Variants in CPQ observed in about 807,000 individuals in gnomAD.
CPQ encodes Ser-Met dipeptidase.
Under a neutral mutation model 45.7 loss-of-function variants are expected in CPQ, and 37 were observed. The ratio of observed to expected loss-of-function variants is 0.81; its 90% CI spans 0.62 to 1.07. The LOEUF (loss-of-function observed/expected upper bound fraction) is 1.07. Ranked by LOEUF, CPQ falls within the 50% of genes least tolerant of loss-of-function variation. The pLI is 0.00. For missense variants in CPQ, 537 were observed against 572.9 expected (o/e 0.94, Z 0.64); for synonymous variants, 186 against 205.8 (o/e 0.90, Z 0.82).
intron 7 of CPQ, among the ~76,000 whole-genome samples, chr8:97,096,224 T>C (rs2130572650): frequency 6.6e-6 from 1 of 152,260 alleles, no homozygotes; most frequent in African/African-American, 2.4e-5. Flanking sequence ...TTCATATAAG[T>C]TATGAGTGGT....
intron 2 of CPQ, among the ~76,000 whole-genome samples, chr8:96,821,710 A>C (rs1811310322): frequency 6.6e-6 from 1 of 151,900 alleles, no homozygotes; most frequent in South Asian, 2.1e-4. Context: ...CTGTTCTTTC[A>C]TTGACTAATA....
chr8:96,693,816 A>G (rs1185232540), intron 1 of CPQ, among the ~76,000 whole-genome samples: 1 of 152,198 alleles, frequency 6.6e-6, no homozygotes, highest in East Asian at 1.9e-4. Flanking sequence ...AAAAAAATGG[A>G]ATATTATAAC....
At chr8:96,910,160 C>T (rs1386716490) in intron 4 of CPQ, among the ~76,000 whole-genome samples, 2 of 152,138 alleles carry the variant, frequency 1.3e-5, no homozygotes, top group Non-Finnish European at 2.9e-5. Context: ...TGTGGCCGGT[C>T]TGTGGGGTTT....
In CPQ at chr8:96,771,081, T is replaced by TATATATATATTATATATATATAA. The variant is rs955685816; in HGVS notation, c.-34-13771_-34-13749dup. ...ATTGTGGTAGTTCAGGTTGAAGCAA[T>TATATATATATTATATATATATAA]ATATATATATTATATATATATAAAT... is the stretch of plus-strand genomic sequence containing the variant. On this transcript the variant is annotated intron_variant, in intron 1 of 7. Transcript: ENST00000220763. Among the ~76,000 whole-genome samples the TATATATATATTATATATATATAA allele has an allele frequency of 2.7e-3, 395 of 146,792 alleles. 2 individuals carry two copies. Among genetic ancestry groups the TATATATATATTATATATATATAA allele is most frequent in the South Asian group, 0.013 (59 of 4,712 alleles).
intron 1 of CPQ, among the ~76,000 whole-genome samples, chr8:96,677,774 T>C (rs960676082): frequency 3.9e-5 from 6 of 152,056 alleles, no homozygotes; most frequent in South Asian, 2.1e-4. Context: ...AGTTTTCCAA[T>C]GTTATCTTCT....
chr8:97,036,248 C>T (rs1283414726), intron 6 of CPQ, among the ~76,000 whole-genome samples: 2 of 152,110 alleles, frequency 1.3e-5, no homozygotes, highest in African/African-American at 4.8e-5. Flanking sequence ...GGACGATTCC[C>T]TCAAAGGGCA....
chr8:96,783,847 T>C (rs1810722430), intron 1 of CPQ, among the ~76,000 whole-genome samples: 1 of 152,170 alleles, frequency 6.6e-6, no homozygotes, highest in Admixed American at 6.5e-5. Flanking sequence ...AGACAATTGA[T>C]TACTATATTG....
chr8:97,020,473 A>G (rs1253619646), intron 5 of CPQ, among the ~76,000 whole-genome samples: 2 of 152,124 alleles, frequency 1.3e-5, no homozygotes, highest in Non-Finnish European at 2.9e-5. Context: ...TTGATAGACC[A>G]TTAGCAAGAT....
At chr8:96,748,582 G>T (rs1338055725) in intron 1 of CPQ, among the ~76,000 whole-genome samples, 1 of 151,840 alleles carries the variant, frequency 6.6e-6, no homozygotes, top group Non-Finnish European at 1.5e-5. Flanking sequence ...CCAAGCACTG[G>T]ATTTAGTTTG....
chr8:96,712,814 G>T (rs1809629915), intron 1 of CPQ, among the ~76,000 whole-genome samples: 1 of 151,882 alleles, frequency 6.6e-6, no homozygotes, highest in African/African-American at 2.4e-5. Context: ...TGTCTTGATG[G>T]TTGACATTTG....
At chr8:96,780,157 T>A (rs762289243) in intron 1 of CPQ, among the ~76,000 whole-genome samples, 9 of 152,302 alleles carry the variant, frequency 5.9e-5, no homozygotes, top group South Asian at 2.1e-4. Context: ...TTTACCCTAC[T>A]TGACTTTGAT....
chr8:96,843,229 A>G (rs1355376770), intron 3 of CPQ, among the ~76,000 whole-genome samples: 1 of 152,156 alleles, frequency 6.6e-6, no homozygotes. Flanking sequence ...AAAAGCAGTA[A>G]TGTTATTAAT....
At chr8:97,053,054 CATCAACATA>C (rs1810388666) in intron 6 of CPQ, among the ~76,000 whole-genome samples, 1 of 152,308 alleles carries the variant, frequency 6.6e-6, no homozygotes, top group Non-Finnish European at 1.5e-5. Context: ...ACATCATCAT[CATCAACATA>C]ATCATTATCT....
In CPQ at chr8:96,699,884, TAAAAG is replaced by T. The variant is rs774122133; in HGVS notation, c.-35+54485_-35+54489del. 1.2e-3 allele frequency among the ~76,000 whole-genome samples: 178 copies of T among 152,254 alleles called. 1 individual carries two copies. Among genetic ancestry groups the T allele is most frequent in the Middle Eastern group, 3.4e-3 (1 of 294 alleles). ...GCCTTTCCTATCATTTCCCAATTGA[TAAAAG>T]AAGATGTGGGGTAGAGAGGAGAAAG... On this transcript the variant is annotated intron_variant, in intron 1 of 7. Coordinates refer to ENST00000220763, the MANE Select transcript of CPQ (RefSeq NM_016134.4).
chr8:96,743,265 C>T (rs1810122148), intron 1 of CPQ, among the ~76,000 whole-genome samples: 1 of 152,098 alleles, frequency 6.6e-6, no homozygotes, highest in Admixed American at 6.6e-5. Context: ...CAGTTGATCG[C>T]ATCGGCTCCT....
intron 2 of CPQ, among the ~76,000 whole-genome samples, chr8:96,812,213 TA>T (rs1367100336): frequency 6.6e-6 from 1 of 152,158 alleles, no homozygotes; most frequent in Non-Finnish European, 1.5e-5. Flanking sequence ...TCCCCTCAAA[TA>T]AAACCAGCAT....
intron 1 of CPQ, among the ~76,000 whole-genome samples, chr8:96,691,523 C>T (rs1436903672): frequency 6.6e-6 from 1 of 151,180 alleles, no homozygotes; most frequent in Non-Finnish European, 1.5e-5. Flanking sequence ...ATACATTTAA[C>T]AGTTATATAT....
intron 4 of CPQ, among the ~76,000 whole-genome samples, chr8:96,943,898 G>A (rs1813154733): frequency 6.6e-6 from 1 of 152,080 alleles, no homozygotes. Flanking sequence ...TAGGCTGGAA[G>A]GTTTTGTACA....
At chr8:96,871,822 GCCA>G (rs1248493954) in intron 3 of CPQ, among the ~76,000 whole-genome samples, 1 of 151,686 alleles carries the variant, frequency 6.6e-6, no homozygotes, top group Non-Finnish European at 1.5e-5. Flanking sequence ...CTTCTCTTTT[GCCA>G]CTTCCTCTCC....
Sources: allele counts gnomAD v4.1 joint callset (sites outside exome capture counted in the v4.1 genomes callset), GRCh38; gene constraint gnomAD v4.1.1; transcripts MANE v1.5; gene names NCBI Gene and HGNC (gene_info 2026-07-23, HGNC 2026-07-21).